SGPP2: variants seen among roughly 807,000 people sequenced by gnomAD.
SGPP2 encodes the protein sphingosine 1-phosphate phosphohydrolase 2.
In SGPP2, 30 loss-of-function variants were observed where a neutral mutation model predicts 33.9. The observed-to-expected ratio is 0.89, with a 90% CI of 0.66 to 1.20. The LOEUF (loss-of-function observed/expected upper bound fraction) is 1.20, where lower values mean the gene tolerates loss of function less well. Among genes scored for constraint, SGPP2 ranks in the 50% most tolerant of loss-of-function variants. SGPP2 has a pLI of 0.00. For synonymous variants in SGPP2, 233 were observed against 225.0 expected (o/e 1.04, Z -0.32); for missense variants, 458 against 532.1 (o/e 0.86, Z 1.37).
At chr2:222,450,645 C>T (rs757329779) in intron 1 of SGPP2, among the ~76,000 whole-genome samples, 1 of 152,174 alleles carries the variant, frequency 6.6e-6, no homozygotes, top group Non-Finnish European at 1.5e-5. Flanking sequence ...TAAACAAAAA[C>T]GTGCATTGAG....
chr2:222,430,099 T>A (rs983544174), intron 1 of SGPP2, among the ~76,000 whole-genome samples: 12 of 98,606 alleles, frequency 1.2e-4, no homozygotes, highest in Admixed American at 3.3e-4. Flanking sequence ...ATAAAAAAAA[T>A]ACTAGAATAG....
chr2:222,435,042 A>ATATATACACATATATATATGTG (rs1559142664), intron 1 of SGPP2, among the ~76,000 whole-genome samples: 1 of 147,194 alleles, frequency 6.8e-6, no homozygotes, highest in Admixed American at 6.9e-5. Flanking sequence ...ATATATGTGT[A>ATATATACACATATATATATGTG]TATATATACA....
At chr2:222,553,374 G>GT (rs1689330746) in intron 4 of SGPP2, among the ~76,000 whole-genome samples, 1 of 152,054 alleles carries the variant, frequency 6.6e-6, no homozygotes, top group South Asian at 2.1e-4. Context: ...ATAGACGTAT[G>GT]TGAGTGGGGC....
rs565912185 is a variant in SGPP2 at position 222,506,435 on chromosome 2, C to T, written c.379-15332C>T. ...GGTTGAAGTCTGCCTCTGTGATTGCCGCCATTTCATACAGATGATTCATCT... is the reference window on the plus strand; with the variant it reads ...GGTTGAAGTCTGCCTCTGTGATTGCTGCCATTTCATACAGATGATTCATCT... On this transcript the variant is annotated intron_variant, in intron 2 of 4. Transcript: ENST00000321276. 5.3e-5 allele frequency among the ~76,000 whole-genome samples: 8 copies of T among 152,220 alleles called. No homozygotes were observed. In the South Asian group the frequency reaches 1.2e-3, roughly 24 times the overall value.
intron 4 of SGPP2, among the ~76,000 whole-genome samples, chr2:222,535,420 C>A (rs2106144503): frequency 6.6e-6 from 1 of 151,406 alleles, no homozygotes; most frequent in South Asian, 2.1e-4. Context: ...GTTTTCATCT[C>A]TTTTACAAGT....
At chr2:222,482,099 C>T (rs987213154) in intron 2 of SGPP2, among the ~76,000 whole-genome samples, 1 of 152,148 alleles carries the variant, frequency 6.6e-6, no homozygotes, top group Non-Finnish European at 1.5e-5. Flanking sequence ...TCTACTTCAC[C>T]AGCAGCTTTG....
At chr2:222,433,055 G>A (rs911461003) in intron 1 of SGPP2, among the ~76,000 whole-genome samples, 2 of 119,614 alleles carry the variant, frequency 1.7e-5, no homozygotes, top group African/African-American at 6.3e-5. Flanking sequence ...AAGAAAGAGA[G>A]AGAAAGAGAG....
At chr2:222,553,205 G>T (rs188125213) in intron 4 of SGPP2, among the ~76,000 whole-genome samples, 154 of 152,356 alleles carry the variant, frequency 1.0e-3, no homozygotes, top group Middle Eastern at 3.4e-3. Flanking sequence ...GGTTCCAACT[G>T]TGTTAATACA....
chr2:222,509,623 T>C (rs540486789), intron 2 of SGPP2, among the ~76,000 whole-genome samples: 1 of 152,202 alleles, frequency 6.6e-6, no homozygotes, highest in African/African-American at 2.4e-5. Flanking sequence ...GTTCTAATAG[T>C]TTGCTTCTTC....
chr2:222,518,870 C>T (rs1698643364), intron 2 of SGPP2, among the ~76,000 whole-genome samples: 1 of 152,162 alleles, frequency 6.6e-6, no homozygotes, highest in Non-Finnish European at 1.5e-5. Context: ...GAAGCACAAA[C>T]ACATATGCAA....
At chr2:222,470,807 A>T (rs73991404) in intron 1 of SGPP2, among the ~76,000 whole-genome samples, 4,429 of 152,286 alleles carry the variant, frequency 0.029, 210 homozygotes, top group African/African-American at 0.1. Flanking sequence ...CTAAAATAAC[A>T]AACCTTTATG....
chr2:222,494,843 T>C (rs1698251957), intron 2 of SGPP2, among the ~76,000 whole-genome samples: 1 of 152,230 alleles, frequency 6.6e-6, no homozygotes, highest in Non-Finnish European at 1.5e-5. Flanking sequence ...TTTTTCTCTG[T>C]GCTAGAAGTC....
intron 1 of SGPP2, among the ~76,000 whole-genome samples, chr2:222,466,493 C>T (rs1029154077): frequency 5.3e-5 from 8 of 151,988 alleles, no homozygotes; most frequent in East Asian, 1.9e-4. Context: ...CTCCTGACCT[C>T]GTGATCCGCC....
chr2:222,469,768 A>G (rs1697810112), intron 1 of SGPP2, among the ~76,000 whole-genome samples: 1 of 152,240 alleles, frequency 6.6e-6, no homozygotes. Flanking sequence ...GAGATTTACT[A>G]CAAAGGAAAC....
chr2:222,488,445 A>G (rs368763818), intron 2 of SGPP2, among the ~76,000 whole-genome samples: 1 of 152,088 alleles, frequency 6.6e-6, no homozygotes, highest in East Asian at 1.9e-4. Flanking sequence ...TCCTTATGAG[A>G]CTCTAGCTGA....
intron 1 of SGPP2, chr2:222,452,969 A>G: frequency 1.3e-6 from 2 of 1,584,736 alleles, no homozygotes; most frequent in Non-Finnish European, 8.7e-7. Context: ...TCTGAAATCT[A>G]TCATTGAGTA....
chr2:222,441,355 A>G (rs1697322787), intron 1 of SGPP2, among the ~76,000 whole-genome samples: 1 of 152,236 alleles, frequency 6.6e-6, no homozygotes, highest in South Asian at 2.1e-4. Context: ...GATTTGTTCA[A>G]CTGTGTTCTA....
In SGPP2 at chr2:222,460,072, G is replaced by A. The variant is rs920856417; in HGVS notation, c.220-14496G>A. On this transcript the variant is annotated intron_variant, in intron 1 of 4. Coordinates refer to ENST00000321276, the MANE Select transcript of SGPP2 (RefSeq NM_152386.4). The surrounding 1 kb of genome is among the most constrained non-coding windows in gnomAD (Gnocchi z 4.3). ...TCTGAAGCGCGCGGCCCTCGGTGAC[G>A]GGGCTCAGTCAAAACCCAGGGCCTC... Among the ~76,000 whole-genome samples, 3 of 152,200 alleles carry A rather than the reference G, an allele frequency of 2.0e-5. No individual in the cohort carries two copies. Among genetic ancestry groups the A allele is most frequent in the South Asian group, 2.1e-4 (1 of 4,828 alleles).
chr2:222,519,033 C>A (rs1698645965), intron 2 of SGPP2, among the ~76,000 whole-genome samples: 1 of 152,202 alleles, frequency 6.6e-6, no homozygotes, highest in Non-Finnish European at 1.5e-5. Flanking sequence ...CATAGTGGGC[C>A]AGCTGACTAA....
Sources: gnomAD v4.1 joint callset for allele counts (sites outside exome capture counted in the v4.1 genomes callset) on GRCh38, gnomAD v4.1.1 for gene constraint, Gnocchi (gnomAD v3.1) non-coding constraint, MANE v1.5 for transcripts, NCBI Gene and HGNC (gene_info 2026-07-23, HGNC 2026-07-21) for gene names.